ARID2: variants seen among roughly 807,000 people sequenced by gnomAD.
ARID2 encodes AT-rich interactive domain-containing protein 2.
ARID2 carries 32 observed loss-of-function variants against 184.6 expected under a neutral mutation model. The ratio of observed to expected loss-of-function variants is 0.17; its 90% CI spans 0.13 to 0.23. The LOEUF is 0.23. ARID2 is among the 10% of genes least tolerant of loss of function. The probability of loss-of-function intolerance (pLI) is 1.00; values close to 1 mark genes in which losing one functional copy is unlikely to be tolerated. For synonymous variants in ARID2, 836 were observed against 772.6 expected, an observed-to-expected ratio of 1.08 and a Z score of -1.36; for missense variants, 1,696 against 2,197.6, an observed-to-expected ratio of 0.77 and a Z score of 4.56.
At chr12:45,762,875 G>T (rs148464718) in intron 3 of ARID2, among the ~76,000 whole-genome samples, 6 of 152,134 alleles carry the variant, frequency 3.9e-5, no homozygotes, top group East Asian at 1.9e-4. Context: ...AACAATTTCT[G>T]TCTCTTTCCT....
intron 4 of ARID2, among the ~76,000 whole-genome samples, chr12:45,814,862 A>G (rs1467703672): frequency 6.6e-6 from 1 of 152,214 alleles, no homozygotes; most frequent in Non-Finnish European, 1.5e-5. Context: ...AATGAAGCAG[A>G]CTTTGCTGTT....
intron 11 of ARID2, 190 bp downstream of exon 11, chr12:45,839,686 A>G (rs1253249452): frequency 5.9e-6 from 3 of 506,720 alleles, no homozygotes; most frequent in African/African-American, 1.9e-5. Flanking sequence ...AGGTGAGCTC[A>G]TAGGAAGAAT....
chr12:45,764,263 G>T (rs917511499), intron 3 of ARID2, among the ~76,000 whole-genome samples: 1 of 152,112 alleles, frequency 6.6e-6, no homozygotes, highest in Non-Finnish European at 1.5e-5. Context: ...ACTCGAAACA[G>T]TGATTGTGTG....
At chr12:45,745,116 C>G (rs1047369579) in intron 3 of ARID2, among the ~76,000 whole-genome samples, 2 of 152,106 alleles carry the variant, frequency 1.3e-5, no homozygotes, top group African/African-American at 4.8e-5. Context: ...ATTTAAAGGG[C>G]TAAGTTGAAG....
chr12:45,850,800 T>A lies in ARID2; in HGVS notation c.2677T>A (p.Phe893Ile), dbSNP rs2138165256. The A allele has an allele frequency of 6.2e-7, 1 of 1,613,906 alleles. No individual in the cohort carries two copies. Residue 893 changes from phenylalanine to isoleucine, a missense_variant, in exon 15 of 21, where the codon TTT (phenylalanine) becomes ATT (isoleucine). This residue lies in a region of ARID2 where 713 missense variants were observed against 824.4 expected (regional missense o/e 0.86). Coordinates refer to ENST00000334344, the MANE Select transcript of ARID2 (RefSeq NM_152641.4). ...AAGTCCACAAGCCTCAAGGGTAGGG[T>A]TTCAGAACATTGCACCAAAACCTCT... is the stretch of plus-strand genomic sequence containing the variant. ...VPSPQASRVG[F>I]QNIAPKPLPS...
intron 3 of ARID2, among the ~76,000 whole-genome samples, chr12:45,782,799 G>T (rs1942121011): frequency 6.6e-6 from 1 of 151,686 alleles, no homozygotes; most frequent in African/African-American, 2.4e-5. Context: ...GGAAACCTCA[G>T]GGAAAAAAAC....
chr12:45,759,458 C>T (rs1941633570), intron 3 of ARID2, among the ~76,000 whole-genome samples: 1 of 152,100 alleles, frequency 6.6e-6, no homozygotes, highest in Admixed American at 6.5e-5. Flanking sequence ...AAAATGATGA[C>T]TTAGTGATGC....
intron 15 of ARID2, among the ~76,000 whole-genome samples, chr12:45,858,569 C>T (rs1943692152): frequency 6.6e-6 from 1 of 152,190 alleles, no homozygotes; most frequent in Non-Finnish European, 1.5e-5. Context: ...AACCGATCAT[C>T]TTTCCTCTGA....
At chr12:45,875,228 G>GA (rs1565634031) in intron 16 of ARID2, among the ~76,000 whole-genome samples, 1 of 152,212 alleles carries the variant, frequency 6.6e-6, no homozygotes, top group East Asian at 1.9e-4. Context: ...AGCTCCATCA[G>GA]AGCTCTTGGG....
At position 45,788,692 on chromosome 12, in the gene ARID2, C is replaced by T. The variant is rs139331815; in HGVS notation, c.285-22726C>T. ...TCCCCAAACTGAAGGTTTCTACCAC[C>T]CTTTTTGTTTCCCAGCAGTGAGAGA... On this transcript the variant is annotated intron_variant, in intron 3 of 20. Coordinates refer to ENST00000334344, the MANE Select transcript of ARID2 (RefSeq NM_152641.4). 3.9e-5 allele frequency among the ~76,000 whole-genome samples: 6 copies of T among 152,172 alleles called. No homozygotes were observed. The East Asian group carries it at 9.7e-4, about 24-fold the overall frequency.
Position 45,850,472 on chromosome 12 carries a change from C to A in ARID2, c.2349C>A (p.Ile783=). The A allele has an allele frequency of 6.2e-7, 1 of 1,614,032 alleles. No individual in the cohort carries two copies. Among genetic ancestry groups the A allele is most frequent in the South Asian group, 1.1e-5 (1 of 91,080 alleles). The change falls in exon 15 of 21, where the codon ATC becomes ATA. Residue 783 remains isoleucine, a synonymous_variant. Transcript: ENST00000334344. ...TACACACAGTGGTACCAGGACAGAT[C>A]CCTTCAGGCACTCCTGTTACAGTAA... ...SPLHTVVPGQ[I]PSGTPVTVIQ...
chr12:45,768,303 G>A (rs1399888236), intron 3 of ARID2, among the ~76,000 whole-genome samples: 2 of 152,050 alleles, frequency 1.3e-5, no homozygotes, highest in Non-Finnish European at 2.9e-5. Context: ...TACAGAGGCT[G>A]TACCTGTGTA....
intron 3 of ARID2, among the ~76,000 whole-genome samples, chr12:45,773,762 A>G (rs542373134): frequency 2.3e-4 from 35 of 152,280 alleles, no homozygotes; most frequent in Non-Finnish European, 4.6e-4. Flanking sequence ...GAAGCCACCT[A>G]CAAGGTAAAG....
intron 16 of ARID2, among the ~76,000 whole-genome samples, chr12:45,867,107 T>C (rs1006999440): frequency 3.9e-5 from 6 of 152,000 alleles, no homozygotes; most frequent in African/African-American, 1.2e-4. Context: ...CGTGCCACCA[T>C]GCCCAGCTAA....
At chr12:45,786,276 C>G (rs1161214795) in intron 3 of ARID2, among the ~76,000 whole-genome samples, 2 of 152,064 alleles carry the variant, frequency 1.3e-5, no homozygotes, top group African/African-American at 4.8e-5. Flanking sequence ...GTTAAGAATC[C>G]TTAAGAAAAC....
At chr12:45,789,597 A>AT (rs35056482) in intron 3 of ARID2, 1 of 152,002 alleles carries the variant, frequency 6.6e-6, no homozygotes, top group Non-Finnish European at 1.5e-5. Flanking sequence ...TTATTAAGTA[A>AT]TTTTTTTGGT....
chr12:45,729,829 A>G lies in ARID2; in HGVS notation c.-8A>G, dbSNP rs752074562. ...CTGGGTTTTTTAAAAACCTCCTTTGAAAAAATAATGGCAAACTCGACGGGG... is the reference window on the plus strand; with the variant it reads ...CTGGGTTTTTTAAAAACCTCCTTTGGAAAAATAATGGCAAACTCGACGGGG... On this transcript the variant is annotated 5_prime_UTR_variant, in exon 1 of 21. Coordinates refer to ENST00000334344, the MANE Select transcript of ARID2 (RefSeq NM_152641.4). 4.4e-6 allele frequency: 7 copies of G among 1,605,686 alleles called. No homozygotes were observed. In the Admixed American group the frequency reaches 1.0e-4, roughly 23 times the overall value.
intron 16 of ARID2, among the ~76,000 whole-genome samples, chr12:45,871,467 T>C (rs1390690765): frequency 1.3e-5 from 2 of 152,232 alleles, no homozygotes; most frequent in Non-Finnish European, 2.9e-5. Context: ...TACTTTGTCA[T>C]GGCATATATT....
intron 12 of ARID2, among the ~76,000 whole-genome samples, chr12:45,847,718 G>A (rs973249293): frequency 2.6e-5 from 4 of 151,884 alleles, no homozygotes; most frequent in African/African-American, 9.7e-5. Context: ...TCTTTGTTCC[G>A]TATTTTTGGT....
Sources: allele counts gnomAD v4.1 joint callset (sites outside exome capture counted in the v4.1 genomes callset), GRCh38; gene constraint gnomAD v4.1.1; regional missense constraint gnomAD v4.1.1; transcripts MANE v1.5; gene names NCBI Gene and HGNC (gene_info 2026-07-23, HGNC 2026-07-21).